SMYD3: variants seen among roughly 807,000 people sequenced by gnomAD.
SMYD3 encodes the protein histone-lysine N-methyltransferase SMYD3.
Under a neutral mutation model 57.7 loss-of-function variants are expected in SMYD3, and 36 were observed. That is an observed-to-expected ratio of 0.62 (90% confidence interval 0.48 to 0.82). The LOEUF (loss-of-function observed/expected upper bound fraction) is 0.82. SMYD3 is among the 40% of genes least tolerant of loss of function. SMYD3 has a pLI of 0.00. For synonymous variants in SMYD3, 211 were observed against 195.0 expected (o/e 1.08, Z -0.68); for missense variants, 515 against 538.8 (o/e 0.96, Z 0.44).
intron 1 of SMYD3, among the ~76,000 whole-genome samples, chr1:246,470,189 A>G (rs936582423): frequency 1.3e-5 from 2 of 152,162 alleles, no homozygotes; most frequent in African/African-American, 4.8e-5. Context: ...CATGACAACT[A>G]CATGTATTAA....
rs142947892 is a variant in SMYD3 at position 245,814,847 on chromosome 1, C to T, written c.1076+43649G>A. 4.8e-3 allele frequency among the ~76,000 whole-genome samples: 713 copies of T among 149,432 alleles called. 5 individuals carry two copies. Among genetic ancestry groups the T allele is most frequent in the South Asian group, 0.021 (98 of 4,766 alleles). The stretch of plus-strand genomic sequence containing the variant: ...GCACGCACACACGCACACACATGCA[C>T]GCACACACACGCAAGCACACACACA... On this transcript the variant is annotated intron_variant, in intron 10 of 11. Transcript: ENST00000490107.
intron 5 of SMYD3, among the ~76,000 whole-genome samples, chr1:246,061,791 GA>G (rs954039533): frequency 8.5e-5 from 13 of 152,180 alleles, no homozygotes; most frequent in East Asian, 3.8e-4. Flanking sequence ...ACAGTGATGT[GA>G]AAGAAGCTTT....
chr1:246,218,894 G>A (rs1378503235), intron 5 of SMYD3, among the ~76,000 whole-genome samples: 1 of 152,122 alleles, frequency 6.6e-6, no homozygotes, highest in African/African-American at 2.4e-5. Context: ...ACATGCTTCT[G>A]GAAAATACAG....
chr1:246,346,893 A>T (rs1451633494), intron 2 of SMYD3, among the ~76,000 whole-genome samples: 2 of 152,218 alleles, frequency 1.3e-5, no homozygotes. Flanking sequence ...AGGAATTTTA[A>T]AAAACTATAA....
intron 10 of SMYD3, among the ~76,000 whole-genome samples, chr1:245,834,961 T>G (rs1441950006): frequency 6.6e-6 from 1 of 152,152 alleles, no homozygotes; most frequent in East Asian, 1.9e-4. Flanking sequence ...GCCTTTTCCA[T>G]TATATGAGAA....
chr1:246,310,661 C>CTTTT (rs386370347), intron 5 of SMYD3, among the ~76,000 whole-genome samples: 8 of 72,220 alleles, frequency 1.1e-4, no homozygotes, highest in East Asian at 1.1e-3. Flanking sequence ...AAGAGTAAGG[C>CTTTT]TTTTTTTTTT....
At chr1:246,159,189 T>G (rs1412024800) in intron 5 of SMYD3, among the ~76,000 whole-genome samples, 1 of 152,204 alleles carries the variant, frequency 6.6e-6, no homozygotes, top group Admixed American at 6.5e-5. Flanking sequence ...TTAAATTCAC[T>G]GCTTTCAACA....
chr1:246,166,449 G>A (rs2062213906), intron 5 of SMYD3, among the ~76,000 whole-genome samples: 1 of 152,160 alleles, frequency 6.6e-6, no homozygotes, highest in Admixed American at 6.5e-5. Flanking sequence ...CCTACTCACT[G>A]TGTGAAAAAG....
At chr1:246,194,016 G>A (rs1422147285) in intron 5 of SMYD3, among the ~76,000 whole-genome samples, 1 of 152,150 alleles carries the variant, frequency 6.6e-6, no homozygotes, top group Non-Finnish European at 1.5e-5. Flanking sequence ...TCATTTGGGG[G>A]TGGCGCACAA....
chr1:246,033,258 T>G (rs146167851), intron 5 of SMYD3, among the ~76,000 whole-genome samples: 3,061 of 152,198 alleles, frequency 0.02, 50 homozygotes, highest in Non-Finnish European at 0.028. Context: ...TGGATAAATC[T>G]CTGGAGAGTT....
intron 10 of SMYD3, among the ~76,000 whole-genome samples, chr1:245,791,521 G>A (rs2047264722): frequency 6.6e-6 from 1 of 151,354 alleles, no homozygotes; most frequent in Non-Finnish European, 1.5e-5. Flanking sequence ...ACAGAGCTGT[G>A]GAGCACGGGT....
At chr1:245,764,282 G>C in intron 10 of SMYD3, 133 bp from the exon 11 acceptor site, 2 of 646,764 alleles carry the variant, frequency 3.1e-6, no homozygotes, top group Non-Finnish European at 5.5e-6. Flanking sequence ...AATCAGCTTT[G>C]CAATCCAGGA....
chr1:246,268,452 C>G (rs2064153383), intron 5 of SMYD3, among the ~76,000 whole-genome samples: 1 of 152,154 alleles, frequency 6.6e-6, no homozygotes, highest in Non-Finnish European at 1.5e-5. Context: ...GTAAACCCAG[C>G]ACTTTGGGAG....
At position 246,208,266 on chromosome 1, in the gene SMYD3, G is replaced by C. The variant is rs891569497; in HGVS notation, c.531+118935C>G. ...GGAGAGTTTGAAAGGCCCAGTCATT[G>C]TGAACAAGACTGAGGCTATTTCATT... On this transcript the variant is annotated intron_variant, in intron 5 of 11. Coordinates refer to ENST00000490107, the MANE Select transcript of SMYD3 (RefSeq NM_001167740.2). Among the ~76,000 whole-genome samples, 22 of 152,114 alleles carry C rather than the reference G, an allele frequency of 1.4e-4. 1 individual carries two copies. The highest frequency in any genetic ancestry group is 5.3e-4 in the African/African-American group (22 of 41,366).
At chr1:246,282,673 T>A (rs2064478790) in intron 5 of SMYD3, among the ~76,000 whole-genome samples, 1 of 152,226 alleles carries the variant, frequency 6.6e-6, no homozygotes, top group Admixed American at 6.5e-5. Context: ...CTTCTTTGTT[T>A]GGATACAAAA....
At chr1:246,354,899 A>G (rs919244088) in intron 2 of SMYD3, 132 bp downstream of exon 2, 1 of 755,262 alleles carries the variant, frequency 1.3e-6, no homozygotes, top group African/African-American at 1.8e-5. Flanking sequence ...TGTGTGACTC[A>G]GCAGGTGAAT....
At chr1:245,853,832 C>CT (rs1476185474) in intron 10 of SMYD3, among the ~76,000 whole-genome samples, 2 of 152,190 alleles carry the variant, frequency 1.3e-5, no homozygotes, top group Non-Finnish European at 2.9e-5. Flanking sequence ...GGTACACAAA[C>CT]TACCAGCTGC....
chr1:246,330,021 G>C (rs12755370), intron 4 of SMYD3, among the ~76,000 whole-genome samples: 14,453 of 152,220 alleles, frequency 0.095, 952 homozygotes, highest in Non-Finnish European at 0.14. Flanking sequence ...TTTCAGAGAA[G>C]AATGATGCTT....
At chr1:246,351,028 T>C (rs1300239844) in intron 2 of SMYD3, among the ~76,000 whole-genome samples, 3 of 152,376 alleles carry the variant, frequency 2.0e-5, no homozygotes, top group Admixed American at 6.5e-5. Flanking sequence ...GCTTTGGTTA[T>C]GGTAGTCTAA....
Sources: gnomAD v4.1 joint callset for allele counts (sites outside exome capture counted in the v4.1 genomes callset) on GRCh38, gnomAD v4.1.1 for gene constraint, MANE v1.5 for transcripts, NCBI Gene and HGNC (gene_info 2026-07-23, HGNC 2026-07-21) for gene names.